Variants in MCU observed in about 807,000 individuals in gnomAD.
The protein encoded by MCU is calcium uniporter protein, mitochondrial.
MCU carries 12 observed loss-of-function variants against 45.2 expected under a neutral mutation model. That is an observed-to-expected ratio of 0.27 (90% CI 0.17 to 0.43). MCU has a LOEUF of 0.43. MCU is among the 20% of genes least tolerant of loss of function. The probability of loss-of-function intolerance (pLI) is 1.00; values close to 1 mark genes in which losing one functional copy is unlikely to be tolerated. For missense variants in MCU, 324 were observed against 436.7 expected (o/e 0.74, Z 2.30); for synonymous variants, 160 against 165.1 (o/e 0.97, Z 0.24).
At chr10:72,778,953 G>GA (rs755643587) in intron 1 of MCU, among the ~76,000 whole-genome samples, 1 of 152,088 alleles carries the variant, frequency 6.6e-6, no homozygotes, top group Non-Finnish European at 1.5e-5. Context: ...ATAGAATCGA[G>GA]AATTCAGAAG....
Position 72,868,723 on chromosome 10 carries a change from G to A in MCU, c.517G>A (p.Ala173Thr). The A allele has an allele frequency of 6.2e-7, 1 of 1,613,644 alleles. No individual in the cohort carries two copies. The highest frequency in any genetic ancestry group is 8.5e-7 in the Non-Finnish European group (1 of 1,179,868). Reference protein sequence around the residue: ...PKRDLLSHENAATLNDVKTLV... With the variant: ...PKRDLLSHENTATLNDVKTLV... ...TTCAGACCTCTTAAGTCATGAAAAT[G>A]CAGCAACGCTGAATGATGTAAAGAC... The change falls in exon 5 of 8, where the codon GCA (alanine) becomes ACA (threonine). Residue 173 changes from alanine (A) to threonine (T), a missense_variant. Ala to Thr is a moderately conservative substitution (Grantham distance 58). This residue lies in a region of MCU where 135 missense variants were observed against 207.3 expected (regional missense o/e 0.65). Transcript: ENST00000373053.
intron 7 of MCU, 44 bp from the exon 8 acceptor site, chr10:72,885,700 GA>G (rs1845764958): frequency 7.8e-7 from 1 of 1,281,234 alleles, no homozygotes; most frequent in African/African-American, 1.5e-5. Flanking sequence ...TAATATCATT[GA>G]AAGCTTCACT....
intron 1 of MCU, among the ~76,000 whole-genome samples, chr10:72,820,887 C>T (rs1360210034): frequency 6.6e-6 from 1 of 151,860 alleles, no homozygotes; most frequent in Non-Finnish European, 1.5e-5. Flanking sequence ...CTACTACTTT[C>T]CATACGTGTT....
intron 1 of MCU, among the ~76,000 whole-genome samples, chr10:72,790,410 A>G (rs1844141561): frequency 6.6e-6 from 1 of 152,120 alleles, no homozygotes; most frequent in Non-Finnish European, 1.5e-5. Context: ...TGTTGTATGT[A>G]TTTTATAACT....
chr10:72,789,762 C>T (rs370033308), intron 1 of MCU, among the ~76,000 whole-genome samples: 5 of 152,264 alleles, frequency 3.3e-5, no homozygotes, highest in African/African-American at 1.2e-4. Context: ...AGGAAAAAGA[C>T]TATCAATATC....
chr10:72,844,073 A>C (rs1426735457), intron 2 of MCU, among the ~76,000 whole-genome samples: 1 of 152,138 alleles, frequency 6.6e-6, no homozygotes, highest in African/African-American at 2.4e-5. Context: ...GCAACTTGGT[A>C]AAACCATCTC....
At chr10:72,692,773 T>A (rs1322864031) in intron 1 of MCU, 1 of 1,374,668 alleles carries the variant, frequency 7.3e-7, no homozygotes, top group East Asian at 2.7e-5. Flanking sequence ...TGCTGGGAGC[T>A]GCCCCGGAGA....
intron 1 of MCU, among the ~76,000 whole-genome samples, chr10:72,695,010 G>T (rs1280355258): frequency 6.6e-6 from 1 of 151,964 alleles, no homozygotes; most frequent in Non-Finnish European, 1.5e-5. Flanking sequence ...CTTCTCTCCG[G>T]CTTGTGACTG....
At chr10:72,713,947 T>TTGTGTG (rs72292523) in intron 1 of MCU, among the ~76,000 whole-genome samples, 2,484 of 139,074 alleles carry the variant, frequency 0.018, 83 homozygotes, top group African/African-American at 0.06. Flanking sequence ...CTTTCATCAT[T>TTGTGTG]TGTGTGTGTG....
At chr10:72,713,566 A>G (rs1168250452) in intron 1 of MCU, among the ~76,000 whole-genome samples, 1 of 152,158 alleles carries the variant, frequency 6.6e-6, no homozygotes, top group East Asian at 1.9e-4. Context: ...TACACAAATT[A>G]TACTTCTGTA....
chr10:72,712,549 G>T (rs1842908307), intron 1 of MCU: 1 of 152,108 alleles, frequency 6.6e-6, no homozygotes, highest in South Asian at 2.1e-4. Flanking sequence ...TGCAATTTGG[G>T]TACTATCTGC....
At chr10:72,773,143 T>A (rs1843837506) in intron 1 of MCU, among the ~76,000 whole-genome samples, 2 of 152,108 alleles carry the variant, frequency 1.3e-5, no homozygotes, top group Admixed American at 1.3e-4. Context: ...GTGTTCCTCC[T>A]ACCTTAGCCT....
At chr10:72,804,852 G>T (rs759658541) in intron 1 of MCU, among the ~76,000 whole-genome samples, 1 of 152,186 alleles carries the variant, frequency 6.6e-6, no homozygotes, top group Non-Finnish European at 1.5e-5. Flanking sequence ...GCTCACTGCA[G>T]CCTCAATCTC....
chr10:72,871,697 A>G, intron 6 of MCU, 117 bp downstream of exon 6: 1 of 770,462 alleles, frequency 1.3e-6, no homozygotes, highest in Non-Finnish European at 2.1e-6. Context: ...TCCTTTACAC[A>G]TACACACACA....
chr10:72,824,378 T>TG (rs1402762442), intron 1 of MCU, among the ~76,000 whole-genome samples: 1 of 37,774 alleles, frequency 2.6e-5, no homozygotes, highest in African/African-American at 6.1e-5. Context: ...TTGTATTTTT[T>TG]TTTTTTTTTT....
chr10:72,812,031 A>G (rs1283307499), intron 1 of MCU, among the ~76,000 whole-genome samples: 1 of 151,858 alleles, frequency 6.6e-6, no homozygotes. Flanking sequence ...CCTATATTGA[A>G]TGTATTTTAG....
intron 1 of MCU, among the ~76,000 whole-genome samples, chr10:72,808,179 T>C (rs900129650): frequency 6.6e-6 from 1 of 152,338 alleles, no homozygotes; most frequent in African/African-American, 2.4e-5. Context: ...TACCTTTTCT[T>C]CCACCTGCTA....
intron 2 of MCU, among the ~76,000 whole-genome samples, chr10:72,838,681 G>A (rs1301339524): frequency 6.6e-6 from 1 of 152,118 alleles, no homozygotes; most frequent in African/African-American, 2.4e-5. Context: ...GAGTTGTTAT[G>A]TTTATCTTGT....
intron 1 of MCU, chr10:72,760,729 T>TC (rs1212444719): frequency 6.5e-6 from 1 of 152,736 alleles, no homozygotes; most frequent in African/African-American, 2.5e-5. Context: ...TTTTTTTTTT[T>TC]TTTTGCAGAG....
Sources: allele counts gnomAD v4.1 joint callset (sites outside exome capture counted in the v4.1 genomes callset), GRCh38; gene constraint gnomAD v4.1.1; regional missense constraint gnomAD v4.1.1; transcripts MANE v1.5; gene names NCBI Gene and HGNC (gene_info 2026-07-23, HGNC 2026-07-21).